Variants in DPP4 observed in about 807,000 individuals in gnomAD.
The protein encoded by DPP4 is dipeptidyl peptidase 4, also known as ADCP-2.
DPP4 carries 93 observed loss-of-function variants against 122.4 expected under a neutral mutation model. The observed-to-expected ratio is 0.76, with a 90% CI of 0.64 to 0.90. The LOEUF (loss-of-function observed/expected upper bound fraction) is 0.90. Ranked by LOEUF, DPP4 falls within the 40% of genes least tolerant of loss-of-function variation. The probability of loss-of-function intolerance (pLI) is 0.00; values close to 1 mark genes in which losing one functional copy is unlikely to be tolerated. For missense variants in DPP4, 914 were observed against 907.3 expected, an observed-to-expected ratio of 1.01 and a Z score of -0.09; for synonymous variants, 321 against 302.9, an observed-to-expected ratio of 1.06 and a Z score of -0.62.
At chr2:162,031,743 T>C (rs1018446450) in intron 10 of DPP4, among the ~76,000 whole-genome samples, 1 of 152,184 alleles carries the variant, frequency 6.6e-6, no homozygotes, top group African/African-American at 2.4e-5. Context: ...CTCGTATCTC[T>C]CTTATCACTC....
At chr2:162,064,650 A>C (rs1684892090) in intron 2 of DPP4, among the ~76,000 whole-genome samples, 1 of 152,156 alleles carries the variant, frequency 6.6e-6, no homozygotes, top group Non-Finnish European at 1.5e-5. Context: ...GATTTTCTAG[A>C]GGTAAATTGT....
At chr2:162,064,255 A>G (rs1456096568) in intron 2 of DPP4, among the ~76,000 whole-genome samples, 1 of 152,192 alleles carries the variant, frequency 6.6e-6, no homozygotes, top group Non-Finnish European at 1.5e-5. Flanking sequence ...GATTGCCAGG[A>G]AGGAATAAGG....
chr2:162,055,131 G>A (rs1021470805), intron 2 of DPP4, among the ~76,000 whole-genome samples: 2 of 152,096 alleles, frequency 1.3e-5, no homozygotes, highest in African/African-American at 2.4e-5. Context: ...TAATAAAAAA[G>A]CATGAAACAA....
chr2:162,016,353 G>A (rs552025830), intron 18 of DPP4, among the ~76,000 whole-genome samples: 1 of 152,182 alleles, frequency 6.6e-6, no homozygotes, highest in Non-Finnish European at 1.5e-5. Flanking sequence ...TTTATCTTCT[G>A]AGACTGAAGT....
intron 2 of DPP4, among the ~76,000 whole-genome samples, chr2:162,061,696 T>G (rs1684780695): frequency 6.6e-6 from 1 of 152,214 alleles, no homozygotes; most frequent in Admixed American, 6.5e-5. Context: ...TAAAAAAATT[T>G]TCTTGCCTGA....
chr2:162,052,985 C>T (rs543602768), intron 2 of DPP4, among the ~76,000 whole-genome samples: 6 of 152,170 alleles, frequency 3.9e-5, no homozygotes, highest in South Asian at 2.1e-4. Context: ...CAAGGATATC[C>T]GGCAGAAGAA....
Position 162,047,437 on chromosome 2 carries a change from A to T in DPP4, c.159T>A (p.Tyr53Ter). The T allele has an allele frequency of 6.3e-7, 1 of 1,583,668 alleles. No homozygotes were observed. The highest frequency in any genetic ancestry group is 2.3e-5 in the East Asian group (1 of 44,398). Residue 53 changes from tyrosine (Y) to a stop codon, truncating the protein, a stop_gained, in exon 3 of 26, where the codon TAT becomes TAA. Transcript: ENST00000360534. LOFTEE classifies it high-confidence loss of function. Reference protein sequence around the residue: ...YTLTDYLKNTYRLKLYSLRWI... With the variant: ...YTLTDYLKNT ...ATCTTAAGGAGTATAACTTCAGTCT[A>T]TAAGTATTTTTTAAGTAATCAGTTA...
At chr2:161,996,829 T>C (rs1701017929) in intron 23 of DPP4, among the ~76,000 whole-genome samples, 2 of 152,172 alleles carry the variant, frequency 1.3e-5, no homozygotes, top group Non-Finnish European at 1.5e-5. Context: ...AAAACCATAA[T>C]GTATAAAAGG....
intron 9 of DPP4, 83 bp from the exon 10 acceptor site, chr2:162,033,736 C>T (rs746787068): frequency 1.2e-5 from 10 of 845,874 alleles, no homozygotes; most frequent in African/African-American, 3.5e-5. Context: ...TGCACAAAAA[C>T]GTCTGCATTA....
At chr2:161,999,881 A>G (rs952075250) in intron 23 of DPP4, among the ~76,000 whole-genome samples, 1 of 152,134 alleles carries the variant, frequency 6.6e-6, no homozygotes, top group South Asian at 2.1e-4. Flanking sequence ...TCATTTAATG[A>G]TTTCAATAAC....
At chr2:162,071,832 C>CA (rs1685128487) in intron 2 of DPP4, among the ~76,000 whole-genome samples, 2 of 152,222 alleles carry the variant, frequency 1.3e-5, no homozygotes, top group Non-Finnish European at 2.9e-5. Context: ...GAGTTAACTG[C>CA]AGCAAGCCTC....
chr2:162,037,630 C>G (rs1253996944), intron 8 of DPP4, among the ~76,000 whole-genome samples: 1 of 152,052 alleles, frequency 6.6e-6, no homozygotes, highest in African/African-American at 2.4e-5. Flanking sequence ...CCTCAAAATG[C>G]CTTTTATCTT....
chr2:162,021,046 T>G (rs112372956), intron 12 of DPP4, among the ~76,000 whole-genome samples: 2 of 152,204 alleles, frequency 1.3e-5, no homozygotes, highest in Non-Finnish European at 2.9e-5. Flanking sequence ...TTTGGAGCAG[T>G]AAATTTCCTC....
At chr2:162,003,479 A>C (rs548229130) in intron 23 of DPP4, among the ~76,000 whole-genome samples, 1 of 152,320 alleles carries the variant, frequency 6.6e-6, no homozygotes, top group Admixed American at 6.5e-5. Context: ...AGGTGCCATG[A>C]ACCTCCTTAG....
At chr2:162,059,351 T>C (rs1684683057) in intron 2 of DPP4, among the ~76,000 whole-genome samples, 1 of 152,236 alleles carries the variant, frequency 6.6e-6, no homozygotes, top group South Asian at 2.1e-4. Flanking sequence ...GTACAGGGCT[T>C]CTATGCCCCA....
intron 2 of DPP4, among the ~76,000 whole-genome samples, chr2:162,053,488 C>T (rs184011448): frequency 1.3e-5 from 2 of 152,196 alleles, no homozygotes; most frequent in East Asian, 3.9e-4. Context: ...TTGTGTTGGG[C>T]TGCATTCAAA....
At chr2:162,056,042 C>T (rs987682298) in intron 2 of DPP4, among the ~76,000 whole-genome samples, 1 of 152,168 alleles carries the variant, frequency 6.6e-6, no homozygotes, top group African/African-American at 2.4e-5. Context: ...CAGATATGGC[C>T]AGTGCTTCCT....
At position 162,011,817 on chromosome 2, in the gene DPP4, A is replaced by T. The variant is rs2106089827; in HGVS notation, c.1808T>A (p.Val603Asp). 1 of 1,613,468 alleles carries T rather than the reference A, an allele frequency of 6.2e-7. No homozygotes were observed. Among genetic ancestry groups the T allele is most frequent in the East Asian group, 2.2e-5 (1 of 44,862 alleles). Residue 603 changes from valine (V) to aspartate (D), a missense_variant, in exon 20 of 26, where the codon GTT (valine) becomes GAT (aspartate). Val to Asp is a radical substitution (Grantham distance 152, BLOSUM62 -3). Transcript: ENST00000360534. ...AINRRLGTFE[V>D]EDQIEAARQF... Reference sequence around the variant, plus strand: ...CCTGGCTGCTTCAATTTGATCTTCAACTTCAAATGTTCCCAGTCTTCTGTT... The same window carrying T: ...CCTGGCTGCTTCAATTTGATCTTCATCTTCAAATGTTCCCAGTCTTCTGTT...
intron 23 of DPP4, 64 bp downstream of exon 23, chr2:162,005,681 T>C: frequency 2.9e-6 from 4 of 1,362,738 alleles, no homozygotes; most frequent in African/African-American, 1.5e-5. Flanking sequence ...ATAGATACAA[T>C]TAAGAAGGTT....
Sources: gnomAD v4.1 joint callset for allele counts (sites outside exome capture counted in the v4.1 genomes callset) on GRCh38, gnomAD v4.1.1 for gene constraint, MANE v1.5 for transcripts, NCBI Gene and HGNC (gene_info 2026-07-23, HGNC 2026-07-21) for gene names.